The following IQGAP1 variants were observed in gnomAD, a reference collection of about 807,000 sequenced individuals.
IQGAP1 encodes ras GTPase-activating-like protein IQGAP1.
IQGAP1 carries 66 observed loss-of-function variants against 215.6 expected under a neutral mutation model. That is an observed-to-expected ratio of 0.31 (90% CI 0.25 to 0.38). The LOEUF (loss-of-function observed/expected upper bound fraction) is 0.38, where lower values mean the gene tolerates loss of function less well. IQGAP1 is among the 10% of genes least tolerant of loss of function. The probability of loss-of-function intolerance (pLI) is 1.00; values close to 1 mark genes in which losing one functional copy is unlikely to be tolerated. For missense variants in IQGAP1, 1,712 were observed against 1,997.1 expected (o/e 0.86, Z 2.72); for synonymous variants, 772 against 728.7 (o/e 1.06, Z -0.96).
intron 11 of IQGAP1, among the ~76,000 whole-genome samples, chr15:90,452,407 G>C (rs1211157722): frequency 6.6e-6 from 1 of 152,186 alleles, no homozygotes; most frequent in Non-Finnish European, 1.5e-5. Flanking sequence ...TAAGATCAAG[G>C]GGTGGAAAGA....
chr15:90,413,262 A>G (rs1193932292), intron 2 of IQGAP1, among the ~76,000 whole-genome samples: 1 of 152,184 alleles, frequency 6.6e-6, no homozygotes, highest in East Asian at 1.9e-4. Flanking sequence ...AGCTATCATT[A>G]TTTAGAGCCT....
chr15:90,491,586 A>C, intron 34 of IQGAP1, 41 bp downstream of exon 34: 1 of 1,533,436 alleles, frequency 6.5e-7, no homozygotes, highest in Non-Finnish European at 9.0e-7. Flanking sequence ...GCCTTGTTCA[A>C]AGCTGAGAGG....
At chr15:90,469,899 C>T (rs1010166004) in intron 18 of IQGAP1, among the ~76,000 whole-genome samples, 4 of 152,146 alleles carry the variant, frequency 2.6e-5, no homozygotes, top group Admixed American at 2.6e-4. Flanking sequence ...TATTACCTGG[C>T]ACGTGGTAGG....
intron 2 of IQGAP1, among the ~76,000 whole-genome samples, chr15:90,392,581 A>T (rs1964649841): frequency 6.6e-6 from 1 of 152,018 alleles, no homozygotes; most frequent in Non-Finnish European, 1.5e-5. Context: ...TTCTTGAATA[A>T]AATTCACTTG....
At chr15:90,418,298 C>T (rs969785433) in intron 2 of IQGAP1, among the ~76,000 whole-genome samples, 4 of 151,852 alleles carry the variant, frequency 2.6e-5, no homozygotes, top group Non-Finnish European at 4.4e-5. Flanking sequence ...ATAAGAATTA[C>T]TATGTAGGCT....
chr15:90,451,146 A>G (rs1176759824), intron 11 of IQGAP1, among the ~76,000 whole-genome samples: 2 of 152,136 alleles, frequency 1.3e-5, no homozygotes, highest in African/African-American at 2.4e-5. Context: ...TTTGTATATT[A>G]TGAGAGATAG....
intron 13 of IQGAP1, among the ~76,000 whole-genome samples, chr15:90,453,977 G>A (rs1358301576): frequency 1.3e-5 from 2 of 152,138 alleles, no homozygotes; most frequent in African/African-American, 2.4e-5. Context: ...GCGTATTTAC[G>A]CTTTTCCCTC....
At chr15:90,487,899 C>T (rs576900758) in intron 33 of IQGAP1, among the ~76,000 whole-genome samples, 10 of 152,256 alleles carry the variant, frequency 6.6e-5, no homozygotes, top group Non-Finnish European at 1.5e-4. Flanking sequence ...ATACCAAAAT[C>T]CATAGATGTT....
chr15:90,452,277 G>A (rs187283067), intron 11 of IQGAP1, among the ~76,000 whole-genome samples: 1 of 152,332 alleles, frequency 6.6e-6, no homozygotes, highest in Non-Finnish European at 1.5e-5. Flanking sequence ...AGAAAAGAAC[G>A]TCCTAGTGCA....
chr15:90,473,112 C>A, intron 19 of IQGAP1, 102 bp downstream of exon 19: 1 of 1,064,970 alleles, frequency 9.4e-7, no homozygotes. Context: ...TTTTTGAGTG[C>A]TGGACTCTTA....
At position 90,495,410 on chromosome 15, in the gene IQGAP1, C is replaced by T. The variant is rs1234447034; in HGVS notation, c.4751+575C>T. ...AAAAAAACAACTTTTAAAAAAAGAA[C>T]CTTTTACATTTTTCTAATTCTAAAA... On this transcript the variant is annotated intron_variant, in intron 36 of 37. Coordinates refer to ENST00000268182, the MANE Select transcript of IQGAP1 (RefSeq NM_003870.4). Among the ~76,000 whole-genome samples the T allele has an allele frequency of 2.0e-5, 3 of 151,986 alleles. 1 individual carries two copies. Among genetic ancestry groups the T allele is most frequent in the Admixed American group, 6.6e-5 (1 of 15,260 alleles).
At position 90,440,615 on chromosome 15, in the gene IQGAP1, T is replaced by G; in HGVS notation, c.649T>G (p.Leu217Val). 3 of 1,552,812 alleles carry G rather than the reference T, an allele frequency of 1.9e-6. No homozygotes were observed. The highest frequency in any genetic ancestry group is 2.6e-6 in the Non-Finnish European group (3 of 1,145,790). The change falls in exon 7 of 38, where the codon TTA (leucine) becomes GTA (valine). Residue 217 changes from leucine (L) to valine (V), a missense_variant and splice_region_variant. Coordinates refer to ENST00000268182, the MANE Select transcript of IQGAP1 (RefSeq NM_003870.4). ...ANELSVDEAA[L>V]HAAVIAINEA... is the part of the protein sequence containing the mutation. The stretch of plus-strand genomic sequence containing the variant: ...TGAACTGTCAGTGGATGAAGCCGCA[T>G]GTAAGAAGAGAGAAATTTTGTGGGT...
intron 2 of IQGAP1, among the ~76,000 whole-genome samples, chr15:90,418,978 T>C (rs1310841797): frequency 6.6e-6 from 1 of 152,028 alleles, no homozygotes; most frequent in African/African-American, 2.4e-5. Context: ...AAACCCTTTC[T>C]CTACAAAAAA....
intron 33 of IQGAP1, among the ~76,000 whole-genome samples, chr15:90,489,595 A>C (rs1344716317): frequency 6.6e-6 from 1 of 152,250 alleles, no homozygotes; most frequent in African/African-American, 2.4e-5. Flanking sequence ...GCAATAGGGC[A>C]TCTGAAATCC....
chr15:90,440,669 A>G (rs909861818), intron 7 of IQGAP1, 54 bp downstream of exon 7: 2 of 1,106,376 alleles, frequency 1.8e-6, no homozygotes, highest in Non-Finnish European at 1.3e-6. Context: ...ACTATTTCCA[A>G]TAATTAATTC....
At position 90,440,615 on chromosome 15, in the gene IQGAP1, T is replaced by C. The variant is rs780455600; in HGVS notation, c.649T>C (p.Leu217=). The C allele has an allele frequency of 6.4e-7, 1 of 1,552,812 alleles. No homozygotes were observed. Among genetic ancestry groups the C allele is most frequent in the East Asian group, 2.4e-5 (1 of 42,168 alleles). Residue 217 remains leucine, a splice_region_variant and synonymous_variant, in exon 7 of 38, where the codon TTA becomes CTA. Transcript: ENST00000268182. ...TGAACTGTCAGTGGATGAAGCCGCA[T>C]GTAAGAAGAGAGAAATTTTGTGGGT... ...ANELSVDEAA[L]HAAVIAINEA... is the part of the protein sequence containing the mutation.
intron 2 of IQGAP1, among the ~76,000 whole-genome samples, chr15:90,394,558 T>C (rs1481792130): frequency 6.6e-6 from 1 of 152,114 alleles, no homozygotes; most frequent in Non-Finnish European, 1.5e-5. Flanking sequence ...TCCAGTTCTT[T>C]CTCCTACCTT....
rs181190778 is a variant in IQGAP1, at chr15:90,474,436, G to C, written c.2576-49G>C. The C allele has an allele frequency of 5.1e-6, 7 of 1,362,742 alleles. No homozygotes were observed. In the Admixed American group the frequency reaches 6.7e-5, roughly 13 times the overall value. The allele number at this position is 1,362,742 out of a possible 1,614,324, so 84.4% of individuals were successfully genotyped here. ...TCAAGACAATGCTATTTCCTGAGAC[G>C]TAGTACTTTTTCTGCTAACTCCATT... is the stretch of plus-strand genomic sequence containing the variant. On this transcript the variant is annotated intron_variant, in intron 22 of 37. Transcript: ENST00000268182.
intron 33 of IQGAP1, among the ~76,000 whole-genome samples, chr15:90,490,968 C>T (rs1034113483): frequency 9.9e-5 from 15 of 152,150 alleles, no homozygotes; most frequent in Non-Finnish European, 1.5e-4. Flanking sequence ...GCCCCATGCT[C>T]GGCTAATTTT....
Sources: allele counts gnomAD v4.1 joint callset (sites outside exome capture counted in the v4.1 genomes callset), GRCh38; gene constraint gnomAD v4.1.1; transcripts MANE v1.5; gene names NCBI Gene and HGNC (gene_info 2026-07-23, HGNC 2026-07-21).